Variants in TTLL9 observed in about 807,000 individuals in gnomAD.
TTLL9 encodes tubulin tyrosine ligase like 9.
A neutral mutation model predicts 65.6 loss-of-function variants in TTLL9; 47 were observed. That is an observed-to-expected ratio of 0.72 (90% confidence interval 0.57 to 0.91). TTLL9 has a LOEUF of 0.91. TTLL9 is among the 40% of genes least tolerant of loss of function. TTLL9 has a pLI of 0.00. For missense variants in TTLL9, 537 were observed against 568.8 expected (o/e 0.94, Z 0.57); for synonymous variants, 179 against 204.8 (o/e 0.87, Z 1.07).
chr20:31,918,175 T>G (rs1488376215), intron 6 of TTLL9, among the ~76,000 whole-genome samples: 1 of 152,120 alleles, frequency 6.6e-6, no homozygotes, highest in Non-Finnish European at 1.5e-5. Flanking sequence ...GTCTTATCTG[T>G]GTTTTACTGT....
At chr20:31,912,591 GCGTGTA>G (rs2063671792) in intron 6 of TTLL9, among the ~76,000 whole-genome samples, 4 of 144,206 alleles carry the variant, frequency 2.8e-5, no homozygotes, top group African/African-American at 1.1e-4. Context: ...GTGTGTGTGT[GCGTGTA>G]TGTGTATGTG....
intron 3 of TTLL9, among the ~76,000 whole-genome samples, chr20:31,893,737 C>T (rs779671300): frequency 6.0e-5 from 9 of 150,840 alleles, no homozygotes; most frequent in Admixed American, 4.6e-4. Flanking sequence ...GTGTAGTTTA[C>T]GTTGTGTCTG....
chr20:31,926,122 G>A (rs2063902103), intron 10 of TTLL9, 31 bp downstream of exon 10: 6 of 1,497,490 alleles, frequency 4.0e-6, no homozygotes, highest in Non-Finnish European at 5.6e-6. Flanking sequence ...CTTCCCTCCG[G>A]GAGCTTCCAG....
chr20:31,892,880 GTGC>G (rs1178931947), intron 3 of TTLL9, among the ~76,000 whole-genome samples: 2 of 152,100 alleles, frequency 1.3e-5, no homozygotes, highest in South Asian at 2.1e-4. Flanking sequence ...CTGATCGTTT[GTGC>G]TGCTATTTTT....
Position 31,916,451 on chromosome 20 carries a change from C to T in TTLL9, c.505-3413C>T, listed in dbSNP as rs1006368850. Among the ~76,000 whole-genome samples the T allele has an allele frequency of 5.9e-5, 9 of 152,296 alleles. No individual in the cohort carries two copies. The Middle Eastern group carries it at 0.014, about 230-fold the overall frequency. Reference sequence around the variant, plus strand: ...CAGCCCCGATGTAACACCATGCAGGCGGTTCATCTTTCATTCTTTAGGGTT... The same window carrying T: ...CAGCCCCGATGTAACACCATGCAGGTGGTTCATCTTTCATTCTTTAGGGTT... On this transcript the variant is annotated intron_variant, in intron 6 of 14. Transcript: ENST00000535842.
intron 2 of TTLL9, among the ~76,000 whole-genome samples, chr20:31,873,811 AG>A (rs1422722429): frequency 6.7e-5 from 6 of 90,120 alleles, no homozygotes; most frequent in African/African-American, 2.4e-4. Context: ...GAAGGAAGGA[AG>A]GAAGGAAGGA....
intron 10 of TTLL9, among the ~76,000 whole-genome samples, chr20:31,933,319 G>T (rs902373400): frequency 1.3e-5 from 2 of 151,892 alleles, no homozygotes; most frequent in East Asian, 1.9e-4. Context: ...CAAAGTGGCC[G>T]CCCAGCCTGG....
Position 31,886,332 on chromosome 20 carries a change from C to T in TTLL9, c.70-864C>T, listed in dbSNP as rs540933877. ...ACCAATTTCGATTTCTCTCTTCATA[C>T]GTGCCTTAGGAATTGGTCTTCCCAG... On this transcript the variant is annotated intron_variant, in intron 2 of 14. Transcript: ENST00000535842. Among the ~76,000 whole-genome samples, 115 of 152,340 alleles carry T rather than the reference C, an allele frequency of 7.5e-4. 1 individual carries two copies. Among genetic ancestry groups the T allele is most frequent in the African/African-American group, 2.6e-3 (110 of 41,590 alleles).
chr20:31,925,125 C>A, intron 9 of TTLL9, 76 bp downstream of exon 9: 3 of 1,462,548 alleles, frequency 2.1e-6, no homozygotes, highest in South Asian at 2.3e-5. Context: ...GGGGAAGAGG[C>A]CTGGGGGTAC....
chr20:31,890,147 TTCC>T (rs1568753507), intron 3 of TTLL9, among the ~76,000 whole-genome samples: 12 of 116,258 alleles, frequency 1.0e-4, no homozygotes, highest in South Asian at 3.0e-4. Context: ...CCTTCCTTCC[TTCC>T]TTCCTTCTTT....
chr20:31,908,527 T>G, intron 4 of TTLL9, 64 bp from the exon 5 acceptor site: 2 of 1,173,600 alleles, frequency 1.7e-6, no homozygotes, highest in Non-Finnish European at 2.5e-6. Context: ...AGCACCTCCC[T>G]GGGCCCTGCA....
chr20:31,893,777 A>T lies in TTLL9; in HGVS notation c.114-4696A>T, dbSNP rs2063343454. 2.0e-5 allele frequency among the ~76,000 whole-genome samples: 3 copies of T among 150,726 alleles called. No homozygotes were observed. The South Asian group carries it at 6.2e-4, about 31-fold the overall frequency. On this transcript the variant is annotated intron_variant, in intron 3 of 14. Transcript: ENST00000535842. ...GCTTGGGGTTAATTGAGCATCTTGG[A>T]TCTGTGAGTTGATAATTTAATCAAA... is the stretch of plus-strand genomic sequence containing the variant.
In TTLL9 at chr20:31,939,166, C is replaced by A; in HGVS notation, c.1143C>A (p.Val381=). 6.2e-7 allele frequency: 1 copy of A among 1,602,374 alleles called. No individual in the cohort carries two copies. Among genetic ancestry groups the A allele is most frequent in the South Asian group, 1.1e-5 (1 of 89,198 alleles). The change falls in exon 14 of 15, where the codon GTC becomes GTA. Residue 381 remains valine, a synonymous_variant. Coordinates refer to ENST00000535842, the MANE Select transcript of TTLL9 (RefSeq NM_001008409.5). ...EARLTGREKR[V]GGFDLMWNDG... is the part of the protein sequence containing the mutation. ...GGCTCACGGGAAGGGAGAAGCGAGTCGGGGGCTTTGACCTCATGTGGAATG... is the reference window on the plus strand; with the variant it reads ...GGCTCACGGGAAGGGAGAAGCGAGTAGGGGGCTTTGACCTCATGTGGAATG...
intron 14 of TTLL9, 84 bp from the exon 15 acceptor site, chr20:31,942,861 C>A (rs992832453): frequency 3.6e-6 from 5 of 1,377,520 alleles, no homozygotes; most frequent in East Asian, 4.6e-5. Context: ...GCTGTCCCCT[C>A]TTCCCAGCAG....
chr20:31,913,854 G>C (rs747101804), intron 6 of TTLL9, among the ~76,000 whole-genome samples: 10 of 152,236 alleles, frequency 6.6e-5, no homozygotes, highest in Non-Finnish European at 1.3e-4. Flanking sequence ...AGGCCGTCAG[G>C]GTTGGTGGGG....
chr20:31,911,393 C>T (rs1226925954), intron 6 of TTLL9, among the ~76,000 whole-genome samples: 1 of 152,180 alleles, frequency 6.6e-6, no homozygotes, highest in Non-Finnish European at 1.5e-5. Flanking sequence ...CAGCCCTTTC[C>T]TGTGGAGCTG....
At chr20:31,873,764 GA>G (rs139725600) in intron 2 of TTLL9, among the ~76,000 whole-genome samples, 16,682 of 144,092 alleles carry the variant, frequency 0.12, 1,273 homozygotes, top group Middle Eastern at 0.24. Context: ...AAGAAAGAAA[GA>G]AAGAGAAAGA....
intron 12 of TTLL9, among the ~76,000 whole-genome samples, chr20:31,936,758 C>T (rs940979451): frequency 6.6e-6 from 1 of 152,210 alleles, no homozygotes; most frequent in African/African-American, 2.4e-5. Flanking sequence ...AATAACACCA[C>T]GAAAGCACCA....
chr20:31,878,284 A>G (rs1459658162), intron 2 of TTLL9, among the ~76,000 whole-genome samples: 1 of 152,262 alleles, frequency 6.6e-6, no homozygotes, highest in Non-Finnish European at 1.5e-5. Context: ...TCTGATGGAC[A>G]TCTATTTCAG....
Sources: gnomAD v4.1 joint callset for allele counts (sites outside exome capture counted in the v4.1 genomes callset) on GRCh38, gnomAD v4.1.1 for gene constraint, MANE v1.5 for transcripts, NCBI Gene and HGNC (gene_info 2026-07-23, HGNC 2026-07-21) for gene names.